GABRB1: variants seen among roughly 807,000 people sequenced by gnomAD.
GABRB1 encodes the protein gamma-aminobutyric acid type A receptor subunit beta1.
A neutral mutation model predicts 51.6 loss-of-function variants in GABRB1; 17 were observed. The ratio of observed to expected loss-of-function variants is 0.33; its 90% CI spans 0.23 to 0.49. The LOEUF is 0.49. Ranked by LOEUF, GABRB1 falls within the 20% of genes least tolerant of loss-of-function variation. The pLI is 0.99. For missense variants in GABRB1, 410 were observed against 600.6 expected, an observed-to-expected ratio of 0.68 and a Z score of 3.32; for synonymous variants, 247 against 218.9, an observed-to-expected ratio of 1.13 and a Z score of -1.14.
At chr4:47,316,054 T>C (rs941306144) in intron 4 of GABRB1, among the ~76,000 whole-genome samples, 1 of 149,470 alleles carries the variant, frequency 6.7e-6, no homozygotes, top group East Asian at 2.0e-4. Context: ...TTAAAAATTA[T>C]ATAATAAATA....
At chr4:47,004,848 A>G (rs1035414267) in intron 1 of GABRB1, among the ~76,000 whole-genome samples, 2 of 152,208 alleles carry the variant, frequency 1.3e-5, no homozygotes, top group Admixed American at 1.3e-4. Flanking sequence ...TTCTAGGAAA[A>G]ACAATATGTT....
chr4:47,410,747 A>G (rs1286262488), intron 8 of GABRB1, among the ~76,000 whole-genome samples: 1 of 152,242 alleles, frequency 6.6e-6, no homozygotes, highest in African/African-American at 2.4e-5. Flanking sequence ...TGTCCACTAT[A>G]TAAAAGTCAG....
At chr4:47,317,775 C>A (rs982804593) in intron 4 of GABRB1, among the ~76,000 whole-genome samples, 1 of 151,496 alleles carries the variant, frequency 6.6e-6, no homozygotes, top group African/African-American at 2.4e-5. Context: ...GAAAAAGAAG[C>A]CTTTATTGCT....
At chr4:47,084,986 G>T (rs1213248956) in intron 3 of GABRB1, among the ~76,000 whole-genome samples, 1 of 152,028 alleles carries the variant, frequency 6.6e-6, no homozygotes, top group African/African-American at 2.4e-5. Context: ...GCCAAAAAAG[G>T]TGCAGCTGGA....
At chr4:47,208,515 A>G (rs952650700) in intron 4 of GABRB1, among the ~76,000 whole-genome samples, 3 of 152,128 alleles carry the variant, frequency 2.0e-5, no homozygotes, top group African/African-American at 7.2e-5. Context: ...TTTAACCACA[A>G]TTTTTAAAAA....
At chr4:47,029,387 T>A (rs552791909), upstream of GABRB1, among the ~76,000 whole-genome samples, 49 of 152,088 alleles carry the variant, frequency 3.2e-4, no homozygotes, top group African/African-American at 9.9e-4. Flanking sequence ...TAATTTGCAA[T>A]TCCTTATTTA....
At chr4:47,273,900 CAT>C (rs1380648719) in intron 4 of GABRB1, among the ~76,000 whole-genome samples, 4 of 148,598 alleles carry the variant, frequency 2.7e-5, no homozygotes, top group Non-Finnish European at 1.5e-5. Flanking sequence ...CACACACACA[CAT>C]TGAAGGTAGA....
intron 4 of GABRB1, among the ~76,000 whole-genome samples, chr4:47,265,366 T>C (rs1470666215): frequency 1.3e-5 from 2 of 152,166 alleles, no homozygotes; most frequent in Non-Finnish European, 2.9e-5. Context: ...TGATGTACAC[T>C]TAGGTTGATT....
rs999978570 is a variant in GABRB1 at position 47,405,253 on chromosome 4, T to G, written c.836-1429T>G. ...ATCTGAACCACTTTAATTTTTTGTA[T>G]GGTAGCCCTGACCTCCTACTTTATC... is the stretch of plus-strand genomic sequence containing the variant. On this transcript the variant is annotated intron_variant, in intron 7 of 8. Coordinates refer to ENST00000295454, the MANE Select transcript of GABRB1 (RefSeq NM_000812.4). Among the ~76,000 whole-genome samples, 3 of 152,220 alleles carry G rather than the reference T, an allele frequency of 2.0e-5. No homozygotes were observed. In the South Asian group the frequency reaches 6.2e-4, roughly 31 times the overall value.
At chr4:47,277,647 CA>C (rs967202909) in intron 4 of GABRB1, among the ~76,000 whole-genome samples, 3 of 150,798 alleles carry the variant, frequency 2.0e-5, no homozygotes, top group South Asian at 2.1e-4. Context: ...TATGTGCCCA[CA>C]AAAAAAATTT....
At position 47,390,966 on chromosome 4, in the gene GABRB1, A is replaced by C. The variant is rs1727968029; in HGVS notation, c.545-12352A>C. ...GCCGAGGGGGACGGGTCATGAGGTCAAGAGTTAGAGACCAGCCTGGCCAAC... is the reference window on the plus strand; with the variant it reads ...GCCGAGGGGGACGGGTCATGAGGTCCAGAGTTAGAGACCAGCCTGGCCAAC... On this transcript the variant is annotated intron_variant, in intron 5 of 8. Coordinates refer to ENST00000295454, the MANE Select transcript of GABRB1 (RefSeq NM_000812.4). 2.0e-5 allele frequency among the ~76,000 whole-genome samples: 3 copies of C among 152,094 alleles called. No homozygotes were observed. In the South Asian group the frequency reaches 6.2e-4, roughly 32 times the overall value.
intron 3 of GABRB1, among the ~76,000 whole-genome samples, chr4:47,033,247 C>A (rs2109472173): frequency 1.3e-5 from 2 of 152,292 alleles, no homozygotes; most frequent in East Asian, 1.9e-4. Context: ...AGTAACACAG[C>A]ACAGTCCTTT....
At chr4:47,268,144 A>C (rs2109888957) in intron 4 of GABRB1, among the ~76,000 whole-genome samples, 1 of 152,310 alleles carries the variant, frequency 6.6e-6, no homozygotes, top group East Asian at 1.9e-4. Flanking sequence ...GTAATAAATC[A>C]TCTATTAATA....
chr4:47,066,041 A>G (rs956872951), intron 3 of GABRB1, among the ~76,000 whole-genome samples: 4 of 152,210 alleles, frequency 2.6e-5, no homozygotes, highest in African/African-American at 9.6e-5. Context: ...CAACTATAAG[A>G]TGTATGGGCC....
chr4:47,319,192 C>T (rs1459971106), intron 4 of GABRB1, among the ~76,000 whole-genome samples: 1 of 151,970 alleles, frequency 6.6e-6, no homozygotes, highest in Non-Finnish European at 1.5e-5. Flanking sequence ...TGAAAGGGCT[C>T]TGAATATACT....
intron 5 of GABRB1, among the ~76,000 whole-genome samples, chr4:47,354,984 T>TTTTTTG (rs1417490900): frequency 0.12 from 10,212 of 86,334 alleles, 2,273 homozygotes; most frequent in Non-Finnish European, 0.18. Context: ...TCCTTTGTTT[T>TTTTTTG]TTTTTTTTTT....
intron 4 of GABRB1, among the ~76,000 whole-genome samples, chr4:47,294,628 A>G (rs950091296): frequency 2.6e-5 from 4 of 152,242 alleles, no homozygotes; most frequent in Non-Finnish European, 5.9e-5. Context: ...GGAGCCCACC[A>G]CAGCTCAAGG....
At chr4:47,356,065 A>G (rs1047692798) in intron 5 of GABRB1, among the ~76,000 whole-genome samples, 9 of 152,218 alleles carry the variant, frequency 5.9e-5, no homozygotes, top group Admixed American at 5.2e-4. Context: ...ACTGCTTGAC[A>G]CCTAGTAGGC....
chr4:47,372,507 T>C (rs955860668), intron 5 of GABRB1, among the ~76,000 whole-genome samples: 1 of 152,188 alleles, frequency 6.6e-6, no homozygotes, highest in African/African-American at 2.4e-5. Context: ...TTTTTGGCCA[T>C]TTTCGGTTAT....
Sources: gnomAD v4.1 joint callset for allele counts (sites outside exome capture counted in the v4.1 genomes callset) on GRCh38, gnomAD v4.1.1 for gene constraint, MANE v1.5 for transcripts, NCBI Gene and HGNC (gene_info 2026-07-23, HGNC 2026-07-21) for gene names.